The following ZNF106 variants were observed in gnomAD, a reference collection of about 807,000 sequenced individuals.
ZNF106 encodes SH3-domain binding protein 3.
Under a neutral mutation model 195.1 loss-of-function variants are expected in ZNF106, and 67 were observed. The ratio of observed to expected loss-of-function variants is 0.34; its 90% confidence interval spans 0.28 to 0.42. ZNF106 has a LOEUF of 0.42. Among genes scored for constraint, ZNF106 ranks in the 10% least tolerant of loss-of-function variants. ZNF106 has a pLI of 1.00. For missense variants in ZNF106, 2,118 were observed against 2,304.5 expected (o/e 0.92, Z 1.66); for synonymous variants, 784 against 818.6 (o/e 0.96, Z 0.72).
intron 3 of ZNF106, among the ~76,000 whole-genome samples, chr15:42,460,860 C>CAAAA (rs34054288): frequency 9.0e-6 from 1 of 110,590 alleles, no homozygotes; most frequent in Non-Finnish European, 2.0e-5. Context: ...AACTCCGTCT[C>CAAAA]AAAAAAAAAA....
chr15:42,448,686 G>A lies in ZNF106; in HGVS notation c.2521C>T (p.Pro841Ser), dbSNP rs141597961. The A allele has an allele frequency of 4.1e-4, 656 of 1,602,626 alleles. 3 individuals carry two copies. Among genetic ancestry groups the A allele is most frequent in the Non-Finnish European group, 9.7e-5 (114 of 1,177,234 alleles). ...GCTTCTTGTTCATTTTGAACAAGGG[G>A]TACCATTTCTATGCCAAACCTTAAG... ...GLPRFGIEMV[P>S]LVQNEQEALD... The change falls in exon 6 of 22, where the codon CCC becomes TCC. Residue 841 changes from proline to serine, a missense_variant. By Grantham distance (74) the Pro-to-Ser change is moderately conservative. Coordinates refer to ENST00000564754, the MANE Select transcript of ZNF106 (RefSeq NM_001366845.3).
intron 4 of ZNF106, among the ~76,000 whole-genome samples, chr15:42,454,068 C>T (rs115925631): frequency 1.3e-5 from 2 of 152,192 alleles, no homozygotes; most frequent in Non-Finnish European, 2.9e-5. Context: ...AAAGTTTCCA[C>T]ATTTAAGTTC....
chr15:42,444,585 G>A (rs1005109520), intron 8 of ZNF106, among the ~76,000 whole-genome samples: 1 of 98,044 alleles, frequency 1.0e-5, no homozygotes, highest in African/African-American at 6.1e-5. Flanking sequence ...ACCCTTGTGG[G>A]GACTGCTGCA....
chr15:42,448,275 A>C lies in ZNF106; in HGVS notation c.2932T>G (p.Leu978Val). Residue 978 changes from leucine to valine, a missense_variant, in exon 6 of 22, where the codon TTG becomes GTG. Transcript: ENST00000564754. ...GGTATAGACCTCTCCTGGCTGTTCA[A>C]GTCTTTTGCCAAATGCATCAAAGGT... ...IIPLMHLAKD[L>V]NSQERSIPPS... The C allele has an allele frequency of 6.2e-7, 1 of 1,614,194 alleles. No individual in the cohort carries two copies. Among genetic ancestry groups the C allele is most frequent in the African/African-American group, 1.3e-5 (1 of 75,040 alleles).
intron 1 of ZNF106, among the ~76,000 whole-genome samples, chr15:42,480,625 T>TC (rs1567033653): frequency 6.6e-6 from 1 of 152,168 alleles, no homozygotes; most frequent in Admixed American, 6.6e-5. Flanking sequence ...GATTATATTT[T>TC]CCCCCCAGTG....
rs189608102 is a variant in ZNF106, at chr15:42,479,307, G to A, written c.-32-6986C>T. Among the ~76,000 whole-genome samples the A allele has an allele frequency of 1.7e-3, 264 of 152,212 alleles. 1 individual carries two copies. The highest frequency in any genetic ancestry group is 6.1e-3 in the African/African-American group (252 of 41,536). On this transcript the variant is annotated intron_variant, in intron 1 of 21. Coordinates refer to ENST00000564754, the MANE Select transcript of ZNF106 (RefSeq NM_001366845.3). The stretch of plus-strand genomic sequence containing the variant: ...GAGAATCGCTTGAACCCAGGAGGCA[G>A]AGGTTGCGGTGAGCTGAGATCATGC...
chr15:42,473,568 C>G (rs2056725035), intron 1 of ZNF106, among the ~76,000 whole-genome samples: 1 of 152,160 alleles, frequency 6.6e-6, no homozygotes. Context: ...TCATTTCCAT[C>G]AGGTATCTAA....
intron 3 of ZNF106, among the ~76,000 whole-genome samples, chr15:42,458,972 CTG>C (rs2056318659): frequency 6.6e-6 from 1 of 151,906 alleles, no homozygotes; most frequent in Admixed American, 6.6e-5. Context: ...CTCAGAAAAA[CTG>C]AGAAAATTTG....
chr15:42,413,735 CTG>C lies in ZNF106; in HGVS notation c.*3567_*3568del, dbSNP rs1194587237. On this transcript the variant is annotated 3_prime_UTR_variant, in exon 22 of 22. Coordinates refer to ENST00000564754, the MANE Select transcript of ZNF106 (RefSeq NM_001366845.3). ...GGTAAGTCAGGAGCTGAACACTCAA[CTG>C]TTAACTCTTCTGGGGAAGAAGAAAA... 6.6e-6 allele frequency: 1 copy of C among 152,598 alleles called. No individual in the cohort carries two copies. The highest frequency in any genetic ancestry group is 2.4e-5 in the African/African-American group (1 of 41,450). 9.5% of individuals were successfully genotyped at this position (152,598 alleles called of 1,614,324 possible).
intron 8 of ZNF106, 59 bp downstream of exon 8, chr15:42,444,768 A>G (rs2055703429): frequency 1.3e-6 from 2 of 1,594,208 alleles, no homozygotes; most frequent in Admixed American, 1.7e-5. Context: ...TGGGTTTGGC[A>G]GCACAAAACA....
intron 11 of ZNF106, 150 bp from the exon 12 acceptor site, chr15:42,438,817 G>A (rs2055384383): frequency 1.1e-6 from 1 of 887,910 alleles, no homozygotes; most frequent in Non-Finnish European, 1.7e-6. Flanking sequence ...ATTTCTTAAT[G>A]AAGGGAAATA....
At chr15:42,477,803 T>A (rs1383695945) in intron 1 of ZNF106, among the ~76,000 whole-genome samples, 1 of 151,356 alleles carries the variant, frequency 6.6e-6, no homozygotes, top group Non-Finnish European at 1.5e-5. Flanking sequence ...GGCAGGAGAG[T>A]CACTTGAACC....
chr15:42,444,757 A>G, intron 8 of ZNF106, 70 bp downstream of exon 8: 2 of 1,581,366 alleles, frequency 1.3e-6, no homozygotes, highest in Non-Finnish European at 1.7e-6. Context: ...GACTCCAGAC[A>G]TGGGTTTGGC....
rs1595861908 is a variant in ZNF106 at position 42,422,078 on chromosome 15, C to T, written c.5374-90G>A. On this transcript the variant is annotated intron_variant, in intron 18 of 21. Transcript: ENST00000564754. ...CTAAAGGCCTTTGGCAGGTTTAAAA[C>T]CACACCTGAGGCGCCAAGTGGAAGC... 1.5e-5 allele frequency: 17 copies of T among 1,122,508 alleles called. No individual in the cohort carries two copies. The East Asian group carries it at 4.0e-4, about 27-fold the overall frequency. 69.5% of individuals were successfully genotyped at this position (1,122,508 alleles called of 1,614,324 possible). A position where few individuals can be genotyped will look rare whatever the true frequency, so the allele number is the denominator to read the frequency against.
intron 9 of ZNF106, 127 bp from the exon 10 acceptor site, chr15:42,442,541 C>A: frequency 1.4e-6 from 1 of 694,336 alleles, no homozygotes; most frequent in Non-Finnish European, 2.3e-6. Context: ...TATAGTCCCT[C>A]ATAATTCTCC....
chr15:42,441,063 A>T (rs2055516668), intron 10 of ZNF106, among the ~76,000 whole-genome samples: 1 of 112,262 alleles, frequency 8.9e-6, no homozygotes, highest in Non-Finnish European at 1.8e-5. Flanking sequence ...AGTCACGCGC[A>T]GTGGCTCACA....
intron 6 of ZNF106, 70 bp downstream of exon 6, chr15:42,448,001 GA>G: frequency 6.7e-7 from 1 of 1,493,626 alleles, no homozygotes; most frequent in Non-Finnish European, 9.0e-7. Flanking sequence ...AAAAACAGTT[GA>G]ACCTTTTTTC....
intron 3 of ZNF106, among the ~76,000 whole-genome samples, chr15:42,463,089 C>T (rs1309851139): frequency 3.3e-5 from 5 of 151,916 alleles, no homozygotes; most frequent in South Asian, 2.1e-4. Flanking sequence ...ACGAGCACCG[C>T]GGCCGGCCCA....
chr15:42,447,067 G>T (rs1567013763), intron 6 of ZNF106, among the ~76,000 whole-genome samples: 1 of 152,226 alleles, frequency 6.6e-6, no homozygotes, highest in Non-Finnish European at 1.5e-5. Context: ...CATGAGACAA[G>T]CTCTTTGTCA....
Sources: gnomAD v4.1 joint callset for allele counts (sites outside exome capture counted in the v4.1 genomes callset) on GRCh38, gnomAD v4.1.1 for gene constraint, MANE v1.5 for transcripts, NCBI Gene and HGNC (gene_info 2026-07-23, HGNC 2026-07-21) for gene names.